The following DAB2IP variants were observed in gnomAD, a reference collection of about 807,000 sequenced individuals.
DAB2IP encodes the protein disabled homolog 2-interacting protein.
A neutral mutation model predicts 107.2 loss-of-function variants in DAB2IP; 28 were observed. The ratio of observed to expected loss-of-function variants is 0.26; its 90% confidence interval spans 0.19 to 0.36. The LOEUF is 0.36. DAB2IP is among the 10% of genes least tolerant of loss of function. The pLI, the probability that DAB2IP is intolerant of heterozygous loss-of-function variation, is 1.00. For synonymous variants in DAB2IP, 755 were observed against 706.4 expected, an observed-to-expected ratio of 1.07 and a Z score of -1.09; for missense variants, 1,400 against 1,644.7, an observed-to-expected ratio of 0.85 and a Z score of 2.57.
In DAB2IP at chr9:121,767,501, G is replaced by A. The variant is rs193231013; in HGVS notation, c.1697+771G>A. 5.3e-5 allele frequency among the ~76,000 whole-genome samples: 8 copies of A among 152,334 alleles called. No homozygotes were observed. The East Asian group carries it at 1.2e-3, about 22-fold the overall frequency. ...CCCCAACTGCATGTCAGGGTGAGGC[G>A]TTCATTGTCTCAAGAGGAGCAGAGG... On this transcript the variant is annotated intron_variant, in intron 9 of 15. Transcript: ENST00000408936.
At chr9:121,752,152 C>T (rs947692322) in intron 3 of DAB2IP, among the ~76,000 whole-genome samples, 2 of 152,192 alleles carry the variant, frequency 1.3e-5, no homozygotes, top group African/African-American at 4.8e-5. Context: ...AGAGCAAGGG[C>T]AGGGGCATTT....
chr9:121,773,224 A>G (rs754743646), exon 12 of DAB2IP: 10 of 1,561,376 alleles, frequency 6.4e-6, no homozygotes, highest in Admixed American at 1.9e-5. Flanking sequence ...CTGACTGAAA[A>G]AGGCGGGCAG....
Position 121,761,095 on chromosome 9 carries a change from C to T in DAB2IP, c.1170+656C>T, listed in dbSNP as rs187154606. Among the ~76,000 whole-genome samples the T allele has an allele frequency of 3.9e-3, 596 of 152,304 alleles. 1 individual carries two copies. Among genetic ancestry groups the T allele is most frequent in the Non-Finnish European group, 6.4e-3 (435 of 68,030 alleles). ...CATGACCCCTTTCACCTTCCGCTCC[C>T]GAAGATGGGCCCAGCAGCCCACCAT... On this transcript the variant is annotated intron_variant, in intron 6 of 15. Transcript: ENST00000408936.
chr9:121,729,916 C>T (rs1180198722), intron 3 of DAB2IP, among the ~76,000 whole-genome samples: 3 of 152,162 alleles, frequency 2.0e-5, no homozygotes, highest in African/African-American at 4.8e-5. Context: ...GACTCCTTTT[C>T]TCCCTGGAAG....
intron 8 of DAB2IP, among the ~76,000 whole-genome samples, chr9:121,764,426 T>C (rs1037879568): frequency 5.4e-4 from 83 of 152,366 alleles, no homozygotes; most frequent in African/African-American, 1.9e-3. Context: ...GTGGGCTGCT[T>C]AGACAGGCCC....
exon 16 of DAB2IP, chr9:121,783,310 C>T: frequency 1.4e-6 from 2 of 1,410,654 alleles, no homozygotes; most frequent in Non-Finnish European, 1.8e-6. Flanking sequence ...CTAGGGCTCC[C>T]AGAAGCCAGA....
intron 13 of DAB2IP, among the ~76,000 whole-genome samples, chr9:121,775,215 T>C (rs1835115084): frequency 6.6e-6 from 1 of 152,096 alleles, no homozygotes. Flanking sequence ...CTCTGGATGC[T>C]CTCGCCCCGC....
At chr9:121,572,810 T>C (rs1447971861) in intron 1 of DAB2IP, among the ~76,000 whole-genome samples, 3 of 152,136 alleles carry the variant, frequency 2.0e-5, no homozygotes, top group Non-Finnish European at 2.9e-5. Flanking sequence ...GACAGCCCGC[T>C]GGGATAAACC....
intron 1 of DAB2IP, among the ~76,000 whole-genome samples, chr9:121,595,301 A>G (rs1484914106): frequency 2.0e-5 from 3 of 152,080 alleles, no homozygotes; most frequent in Non-Finnish European, 4.4e-5. Flanking sequence ...TGGTCAAGAA[A>G]TAAAACCAAG....
chr9:121,648,387 G>A (rs1294751902), upstream of DAB2IP, among the ~76,000 whole-genome samples: 1 of 152,206 alleles, frequency 6.6e-6, no homozygotes, highest in East Asian at 1.9e-4. Context: ...CCAACAGGGC[G>A]AAGACTGGTG....
At chr9:121,770,787 G>GAGAT in intron 11 of DAB2IP, 63 bp downstream of exon 11, 1 of 1,576,482 alleles carries the variant, frequency 6.3e-7, no homozygotes, top group Non-Finnish European at 8.6e-7. Flanking sequence ...CAGCCCATCT[G>GAGAT]TAATCTCAGA....
intron 10 of DAB2IP, among the ~76,000 whole-genome samples, chr9:121,769,664 G>A (rs920184143): frequency 2.6e-5 from 4 of 152,214 alleles, no homozygotes; most frequent in African/African-American, 7.2e-5. Flanking sequence ...GCCTTTGGCT[G>A]TGAGAGACAC....
intron 1 of DAB2IP, among the ~76,000 whole-genome samples, chr9:121,614,747 T>G (rs1374450992): frequency 1.3e-5 from 2 of 151,182 alleles, no homozygotes; most frequent in Non-Finnish European, 3.0e-5. Flanking sequence ...CTTTTTTTTT[T>G]TTTTGAGATG....
At chr9:121,667,298 G>T (rs1446564651) in intron 1 of DAB2IP, among the ~76,000 whole-genome samples, 3 of 151,712 alleles carry the variant, frequency 2.0e-5, no homozygotes, top group Non-Finnish European at 4.4e-5. Flanking sequence ...GCACTTTGGG[G>T]TAAATTACAG....
At chr9:121,659,577 A>C (rs537082066) in intron 1 of DAB2IP, among the ~76,000 whole-genome samples, 41 of 152,276 alleles carry the variant, frequency 2.7e-4, no homozygotes, top group African/African-American at 9.9e-4. Flanking sequence ...GCGGATCACG[A>C]GGTCAGGAGA....
chr9:121,572,426 A>G (rs139598536), intron 1 of DAB2IP, among the ~76,000 whole-genome samples: 5 of 142,166 alleles, frequency 3.5e-5, no homozygotes, highest in South Asian at 2.1e-4. Flanking sequence ...ATGAATGAAT[A>G]AGTGAGCGAG....
rs59357546 is a variant in DAB2IP, at chr9:121,684,877, C to G, written c.228+6096C>G. ...TCCACTGGCCCAGGCTGCTGTGGGT[C>G]CATCTCAGATGGTCGTTCACTTGGG... On this transcript the variant is annotated intron_variant, in intron 2 of 15. Coordinates refer to ENST00000408936, the Ensembl canonical transcript of DAB2IP. The surrounding 1 kb of genome is among the most constrained non-coding windows in gnomAD (Gnocchi z 4.0). 7.9e-3 allele frequency among the ~76,000 whole-genome samples: 1,201 copies of G among 152,284 alleles called. 22 individuals are homozygous for G. Among genetic ancestry groups the G allele is most frequent in the African/African-American group, 0.028 (1,168 of 41,552 alleles).
At chr9:121,694,504 G>A (rs1235013568) in intron 2 of DAB2IP, among the ~76,000 whole-genome samples, 2 of 152,112 alleles carry the variant, frequency 1.3e-5, no homozygotes, top group Non-Finnish European at 2.9e-5. Flanking sequence ...AAGAAATCAC[G>A]TGTCTTGAAT....
intron 1 of DAB2IP, among the ~76,000 whole-genome samples, chr9:121,616,669 T>A (rs1467019244): frequency 6.6e-6 from 1 of 151,710 alleles, no homozygotes; most frequent in African/African-American, 2.4e-5. Flanking sequence ...AAGTAAGGAG[T>A]TGAAAGGCAA....
Sources: allele counts gnomAD v4.1 joint callset (sites outside exome capture counted in the v4.1 genomes callset), GRCh38; gene constraint gnomAD v4.1.1; non-coding constraint Gnocchi (gnomAD v3.1); transcripts MANE v1.5; gene names NCBI Gene and HGNC (gene_info 2026-07-23, HGNC 2026-07-21).